Variants in SLC16A12 observed in about 807,000 individuals in gnomAD.
SLC16A12 encodes solute carrier family 16 member 12.
In SLC16A12, 17 loss-of-function variants were observed where a neutral mutation model predicts 42.4. The observed-to-expected ratio is 0.40, with a 90% CI of 0.27 to 0.60. The LOEUF (loss-of-function observed/expected upper bound fraction) is 0.60. SLC16A12 is among the 20% of genes least tolerant of loss of function. The pLI is 0.42. For synonymous variants in SLC16A12, 224 were observed against 229.4 expected, an observed-to-expected ratio of 0.98 and a Z score of 0.21; for missense variants, 544 against 623.0, an observed-to-expected ratio of 0.87 and a Z score of 1.35.
chr10:89,553,964 C>T (rs1372725233), intron 2 of SLC16A12, among the ~76,000 whole-genome samples: 2 of 149,958 alleles, frequency 1.3e-5, no homozygotes, highest in South Asian at 2.1e-4. Context: ...CACTGCACTC[C>T]AGCCTGGGCA....
At chr10:89,540,421 C>CT (rs945985478), upstream of SLC16A12, among the ~76,000 whole-genome samples, 1 of 152,088 alleles carries the variant, frequency 6.6e-6, no homozygotes, top group African/African-American at 2.4e-5. Context: ...TCTTTATCAT[C>CT]TTTTTTTGTT....
chr10:89,482,821 A>G (rs1842688874), intron 2 of SLC16A12, among the ~76,000 whole-genome samples: 1 of 152,080 alleles, frequency 6.6e-6, no homozygotes, highest in Non-Finnish European at 1.5e-5. Flanking sequence ...AGACCAAGAA[A>G]AAAGAAGAAA....
intron 2 of SLC16A12, among the ~76,000 whole-genome samples, chr10:89,471,841 T>C (rs1284254043): frequency 6.6e-6 from 1 of 152,200 alleles, no homozygotes; most frequent in African/African-American, 2.4e-5. Context: ...AAATGGTATC[T>C]CATTGTAGTT....
At chr10:89,460,703 C>A (rs1317687221) in intron 3 of SLC16A12, among the ~76,000 whole-genome samples, 1 of 138,960 alleles carries the variant, frequency 7.2e-6, no homozygotes, top group African/African-American at 2.8e-5. Flanking sequence ...GGAGATCATG[C>A]TATTGCACTC....
chr10:89,471,122 T>G (rs1376015525), intron 2 of SLC16A12, among the ~76,000 whole-genome samples: 2 of 152,224 alleles, frequency 1.3e-5, no homozygotes, highest in African/African-American at 2.4e-5. Flanking sequence ...ATAACTTACA[T>G]ACAATAAAAC....
chr10:89,480,092 C>A (rs17387764), intron 2 of SLC16A12, among the ~76,000 whole-genome samples: 6 of 152,074 alleles, frequency 3.9e-5, no homozygotes, highest in Non-Finnish European at 5.9e-5. Context: ...AAAAAAGAAA[C>A]CCACATTCCT....
At chr10:89,501,151 T>C (rs570601824) in intron 2 of SLC16A12, among the ~76,000 whole-genome samples, 7 of 152,246 alleles carry the variant, frequency 4.6e-5, no homozygotes, top group African/African-American at 1.2e-4. Context: ...AGAGAAATCA[T>C]AGATGACACA....
At chr10:89,551,307 A>G (rs7902601) in intron 2 of SLC16A12, among the ~76,000 whole-genome samples, 48,173 of 151,666 alleles carry the variant, frequency 0.32, 9,061 homozygotes, top group African/African-American at 0.53. Flanking sequence ...GCTAGGTAGG[A>G]TGGTGCATGT....
chr10:89,551,374 G>C (rs955421255), intron 2 of SLC16A12, among the ~76,000 whole-genome samples: 2 of 151,980 alleles, frequency 1.3e-5, no homozygotes, highest in Admixed American at 6.6e-5. Context: ...ACTTGGGAGG[G>C]GGAGGTTGCA....
At chr10:89,496,495 C>A (rs1161011229) in intron 2 of SLC16A12, among the ~76,000 whole-genome samples, 1 of 151,954 alleles carries the variant, frequency 6.6e-6, no homozygotes, top group Non-Finnish European at 1.5e-5. Flanking sequence ...ATAGGAGTCC[C>A]AGAAACTAAG....
Position 89,438,984 on chromosome 10 carries a change from A to G in SLC16A12, c.648T>C (p.Asn216=), listed in dbSNP as rs1309143245. The G allele has an allele frequency of 5.0e-6, 8 of 1,614,070 alleles. No individual in the cohort carries two copies. The highest frequency in any genetic ancestry group is 5.9e-6 in the Non-Finnish European group (7 of 1,180,034). Residue 216 remains asparagine, a synonymous_variant, in exon 6 of 8, where the codon AAT becomes AAC. Coordinates refer to ENST00000371790, the MANE Select transcript of SLC16A12 (RefSeq NM_213606.4). ...ALLILGGFVL[N]LCVCGALMRP... ...TCATCAAGGCACCACATACACAGAG[A>G]TTCAAGACAAAGCCCCCAAGAATGA...
chr10:89,439,791 G>T (rs1193178969), intron 5 of SLC16A12, among the ~76,000 whole-genome samples: 1 of 152,072 alleles, frequency 6.6e-6, no homozygotes, highest in Non-Finnish European at 1.5e-5. Context: ...CAACTTTTGG[G>T]CTGGGTGCAG....
intron 3 of SLC16A12, among the ~76,000 whole-genome samples, chr10:89,458,482 T>C (rs1842236836): frequency 1.3e-5 from 2 of 152,194 alleles, no homozygotes; most frequent in Admixed American, 1.3e-4. Context: ...CCCTTAGTTA[T>C]CCAATTGAAA....
intron 3 of SLC16A12, among the ~76,000 whole-genome samples, chr10:89,445,345 T>A (rs2133701361): frequency 6.6e-6 from 1 of 152,258 alleles, no homozygotes; most frequent in East Asian, 1.9e-4. Flanking sequence ...AACTGACACC[T>A]CATACAGCCA....
Position 89,486,590 on chromosome 10 carries a change from TC to T in SLC16A12, c.-46-23967del, listed in dbSNP as rs1257977720. On this transcript the variant is annotated intron_variant, in intron 2 of 7. Transcript: ENST00000371790. ...CTAGGTGACAGAGTGAAACCTTGTC[TC>T]AAAAAAAAAAAAAAAGAAAGAAAGA... Among the ~76,000 whole-genome samples, 301 of 32,620 alleles carry T rather than the reference TC, an allele frequency of 9.2e-3. 10 individuals are homozygous for T. In the East Asian group the frequency reaches 0.1, roughly 11 times the overall value. The allele number at this position is 32,620 out of a possible 152,430, so 21.4% of individuals were successfully genotyped here. A position where few individuals can be genotyped will look rare whatever the true frequency, so the allele number is the denominator to read the frequency against.
chr10:89,497,826 C>T (rs1159603765), intron 2 of SLC16A12, among the ~76,000 whole-genome samples: 1 of 152,036 alleles, frequency 6.6e-6, no homozygotes, highest in African/African-American at 2.4e-5. Flanking sequence ...ACCAACATTT[C>T]CTACTGAGGT....
In SLC16A12 at chr10:89,482,250, A is replaced by AAG. The variant is rs1554829376; in HGVS notation, c.-46-19627_-46-19626insCT. Among the ~76,000 whole-genome samples the AAG allele has an allele frequency of 4.4e-4, 66 of 151,146 alleles. 1 individual carries two copies. The highest frequency in any genetic ancestry group is 1.2e-3 in the South Asian group (6 of 4,818). On this transcript the variant is annotated intron_variant, in intron 2 of 7. Coordinates refer to ENST00000371790, the MANE Select transcript of SLC16A12 (RefSeq NM_213606.4). ...CAAGAATACACCAAAAAAAAAAAAA[A>AAG]AAGAAGAAGAAAAGAAAAAAAGGCT...
intron 2 of SLC16A12, among the ~76,000 whole-genome samples, chr10:89,478,622 A>G (rs571767767): frequency 4.6e-4 from 70 of 152,308 alleles, no homozygotes; most frequent in Middle Eastern, 3.4e-3. Flanking sequence ...TTCCTCTTTC[A>G]CTGCTCAGAC....
At chr10:89,533,429 A>G (rs568080392) in intron 2 of SLC16A12, among the ~76,000 whole-genome samples, 61 of 152,338 alleles carry the variant, frequency 4.0e-4, no homozygotes, top group African/African-American at 1.4e-3. Context: ...TATCTGCTCA[A>G]TTGAACTAAA....
Sources: allele counts gnomAD v4.1 joint callset (sites outside exome capture counted in the v4.1 genomes callset), GRCh38; gene constraint gnomAD v4.1.1; transcripts MANE v1.5; gene names NCBI Gene and HGNC (gene_info 2026-07-23, HGNC 2026-07-21).